Variants in SLIT3 observed in about 807,000 individuals in gnomAD.
The protein encoded by SLIT3 is slit homolog 3 protein.
In SLIT3, 68 loss-of-function variants were observed where a neutral mutation model predicts 184.0. The observed-to-expected ratio is 0.37, with a 90% CI of 0.30 to 0.45. The LOEUF (loss-of-function observed/expected upper bound fraction) is 0.45. Ranked by LOEUF, SLIT3 falls within the 20% of genes least tolerant of loss-of-function variation. The pLI is 1.00. For missense variants in SLIT3, 1,707 were observed against 2,026.0 expected, an observed-to-expected ratio of 0.84 and a Z score of 3.02; for synonymous variants, 831 against 828.6, an observed-to-expected ratio of 1.00 and a Z score of -0.05.
At chr5:169,190,989 G>C (rs1169399934) in intron 4 of SLIT3, among the ~76,000 whole-genome samples, 1 of 152,152 alleles carries the variant, frequency 6.6e-6, no homozygotes, top group Non-Finnish European at 1.5e-5. Flanking sequence ...AGCTGCTTCA[G>C]TAAAAAAAAT....
chr5:168,823,883 C>T (rs565118584), intron 6 of SLIT3, among the ~76,000 whole-genome samples: 11 of 152,294 alleles, frequency 7.2e-5, no homozygotes, highest in Middle Eastern at 3.4e-3. Flanking sequence ...TGTGTTGCCT[C>T]GCACAGGATG....
rs1445136231 is a variant in SLIT3, at chr5:168,744,779, C to T, written c.2270+3523G>A. Among the ~76,000 whole-genome samples the T allele has an allele frequency of 2.6e-5, 4 of 152,222 alleles. No homozygotes were observed. In the East Asian group the frequency reaches 7.7e-4, roughly 29 times the overall value. On this transcript the variant is annotated intron_variant, in intron 20 of 35. Transcript: ENST00000519560. ...CATAAAGATTTCTTTCAAAATATTACTGCTCACTGACAATGTACCTGGTCA... is the reference window on the plus strand; with the variant it reads ...CATAAAGATTTCTTTCAAAATATTATTGCTCACTGACAATGTACCTGGTCA...
chr5:168,672,423 G>A (rs1048123918), intron 33 of SLIT3, among the ~76,000 whole-genome samples: 6 of 152,196 alleles, frequency 3.9e-5, no homozygotes, highest in Non-Finnish European at 7.3e-5. Flanking sequence ...AACTATCAGT[G>A]CAGGGGCTGC....
rs192236905 is a variant in SLIT3 at position 169,141,694 on chromosome 5, G to A, written c.413+51785C>T. On this transcript the variant is annotated intron_variant, in intron 4 of 35. Transcript: ENST00000519560. ...GCGGAGCTTGCAGTAAGCCGAGATCGCGCCATTGCACTCCAGCCTGGGTGG... is the reference window on the plus strand; with the variant it reads ...GCGGAGCTTGCAGTAAGCCGAGATCACGCCATTGCACTCCAGCCTGGGTGG... Among the ~76,000 whole-genome samples the A allele has an allele frequency of 1.1e-3, 159 of 151,048 alleles. 1 individual carries two copies. The East Asian group carries it at 0.011, about 11-fold the overall frequency.
At chr5:169,053,817 G>A (rs1343298297) in intron 4 of SLIT3, among the ~76,000 whole-genome samples, 1 of 152,126 alleles carries the variant, frequency 6.6e-6, no homozygotes. Flanking sequence ...AACAGGTGCA[G>A]TGGCTCATGC....
chr5:168,884,547 G>GAT (rs1491371300), intron 4 of SLIT3, among the ~76,000 whole-genome samples: 1 of 9,312 alleles, frequency 1.1e-4, no homozygotes, highest in African/African-American at 5.1e-4. Context: ...TACCAATTAC[G>GAT]AGATATATAT....
intron 1 of SLIT3, among the ~76,000 whole-genome samples, chr5:169,252,780 CA>C (rs1765819419): frequency 1.3e-5 from 2 of 152,110 alleles, no homozygotes; most frequent in South Asian, 4.2e-4. Flanking sequence ...CTAAAGATGC[CA>C]CCCTGCAATT....
intron 3 of SLIT3, among the ~76,000 whole-genome samples, chr5:169,242,779 G>T (rs1226867046): frequency 6.6e-6 from 1 of 152,130 alleles, no homozygotes; most frequent in East Asian, 1.9e-4. Flanking sequence ...GAAATAATCA[G>T]GTTTCCTCTG....
chr5:168,986,535 G>C (rs1755137623), intron 4 of SLIT3, among the ~76,000 whole-genome samples: 1 of 152,076 alleles, frequency 6.6e-6, no homozygotes, highest in Non-Finnish European at 1.5e-5. Flanking sequence ...TCCATTCTCA[G>C]TGTCCTCGTC....
chr5:168,722,856 G>T, intron 22 of SLIT3, 77 bp downstream of exon 22: 3 of 1,124,310 alleles, frequency 2.7e-6, no homozygotes, highest in Non-Finnish European at 4.1e-6. Context: ...AACTAGTCCT[G>T]CTGGGAGGGA....
intron 3 of SLIT3, among the ~76,000 whole-genome samples, chr5:169,202,729 C>T (rs1307188765): frequency 6.6e-6 from 1 of 152,104 alleles, no homozygotes; most frequent in African/African-American, 2.4e-5. Flanking sequence ...TGGTCAGGAT[C>T]ACATCCTACT....
At chr5:169,029,916 C>G (rs368101307) in intron 4 of SLIT3, among the ~76,000 whole-genome samples, 16 of 152,190 alleles carry the variant, frequency 1.1e-4, no homozygotes, top group African/African-American at 2.9e-4. Flanking sequence ...TAATCAAAAA[C>G]AAACATCCTT....
chr5:169,159,196 C>G (rs376076864), intron 4 of SLIT3, among the ~76,000 whole-genome samples: 3 of 151,580 alleles, frequency 2.0e-5, no homozygotes, highest in African/African-American at 7.3e-5. Context: ...ACCAGCCTGA[C>G]CAACATGGAG....
At chr5:169,003,075 T>G (rs1374455365) in intron 4 of SLIT3, among the ~76,000 whole-genome samples, 1 of 152,248 alleles carries the variant, frequency 6.6e-6, no homozygotes, top group Non-Finnish European at 1.5e-5. Context: ...TAGATTCCTT[T>G]GTTTACCTAC....
At chr5:168,696,528 T>C (rs1167554415) in intron 27 of SLIT3, 97 bp from the exon 28 acceptor site, 7 of 1,428,754 alleles carry the variant, frequency 4.9e-6, no homozygotes, top group Middle Eastern at 4.7e-4. Context: ...GAAATACAAT[T>C]AGTTTTTCCT....
intron 4 of SLIT3, among the ~76,000 whole-genome samples, chr5:169,011,438 A>C (rs142860772): frequency 6.6e-6 from 1 of 152,326 alleles, no homozygotes; most frequent in East Asian, 1.9e-4. Context: ...GGTGACACCC[A>C]TCTACAAATA....
At chr5:168,683,841 G>T in intron 32 of SLIT3, 125 bp downstream of exon 32, 1 of 863,644 alleles carries the variant, frequency 1.2e-6, no homozygotes, top group Non-Finnish European at 1.6e-6. Context: ...GTGCGCACAT[G>T]TGCGTGGTAG....
At chr5:169,110,510 C>T (rs1000774534) in intron 4 of SLIT3, among the ~76,000 whole-genome samples, 1 of 152,158 alleles carries the variant, frequency 6.6e-6, no homozygotes, top group African/African-American at 2.4e-5. Context: ...GGCATTCTCT[C>T]TGTACCCTAC....
chr5:168,735,504 T>C (rs1763406678), intron 20 of SLIT3, among the ~76,000 whole-genome samples: 1 of 152,138 alleles, frequency 6.6e-6, no homozygotes, highest in South Asian at 2.1e-4. Flanking sequence ...TGAGCTTACA[T>C]TTAGTCACCT....
Sources: allele counts gnomAD v4.1 joint callset (sites outside exome capture counted in the v4.1 genomes callset), GRCh38; gene constraint gnomAD v4.1.1; transcripts MANE v1.5; gene names NCBI Gene and HGNC (gene_info 2026-07-23, HGNC 2026-07-21).